Variants in ATP5MG observed in about 807,000 individuals in gnomAD.
ATP5MG encodes the protein ATP synthase F(0) complex subunit g, mitochondrial.
Under a neutral mutation model 12.7 loss-of-function variants are expected in ATP5MG, and 7 were observed. The observed-to-expected ratio is 0.55, with a 90% CI of 0.31 to 1.04. ATP5MG has a LOEUF of 1.04. Ranked by LOEUF, ATP5MG falls within the 50% of genes least tolerant of loss-of-function variation. The probability of loss-of-function intolerance (pLI) is 0.05; values close to 1 mark genes in which losing one functional copy is unlikely to be tolerated. For missense variants in ATP5MG, 116 were observed against 126.7 expected (o/e 0.92, Z 0.41); for synonymous variants, 53 against 48.2 (o/e 1.10, Z -0.41).
At chr11:118,402,326 A>G (rs572873694) in intron 1 of ATP5MG, among the ~76,000 whole-genome samples, 2 of 152,202 alleles carry the variant, frequency 1.3e-5, no homozygotes, top group South Asian at 2.1e-4. Flanking sequence ...ATAAACAATA[A>G]TCTTTGTTAC....
intron 1 of ATP5MG, chr11:118,406,536 CTCTT>C (rs1249122180): frequency 1.5e-5 from 3 of 198,734 alleles, no homozygotes; most frequent in Non-Finnish European, 3.2e-5. Flanking sequence ...CTTTCTTCAC[CTCTT>C]TCTTCAAATT....
intron 1 of ATP5MG, chr11:118,406,585 G>A (rs1286662204): frequency 1.4e-5 from 3 of 207,148 alleles, no homozygotes; most frequent in Non-Finnish European, 2.0e-5. Context: ...TGAATAAATT[G>A]ACTGTTCTCT....
chr11:118,407,656 C>A (rs376451219), intron 2 of ATP5MG, among the ~76,000 whole-genome samples: 1 of 151,852 alleles, frequency 6.6e-6, no homozygotes. Context: ...TCGCTTGAGG[C>A]CAGAAGTTCA....
At chr11:118,402,179 C>CT (rs1948933584) in intron 1 of ATP5MG, among the ~76,000 whole-genome samples, 1 of 152,072 alleles carries the variant, frequency 6.6e-6, no homozygotes, top group South Asian at 2.1e-4. Flanking sequence ...GATGGGTGAG[C>CT]TTTTTTGAAC....
At chr11:118,401,777 C>T in intron 1 of ATP5MG, 60 bp downstream of exon 1, 2 of 1,581,070 alleles carry the variant, frequency 1.3e-6, no homozygotes, top group Non-Finnish European at 8.6e-7. Context: ...CCTGCGATGG[C>T]CTGAGAGGAA....
At chr11:118,408,780 ACTTAC>A (rs1437228423) in intron 2 of ATP5MG, among the ~76,000 whole-genome samples, 1 of 152,134 alleles carries the variant, frequency 6.6e-6, no homozygotes, top group African/African-American at 2.4e-5. Flanking sequence ...AGCTTTGACT[ACTTAC>A]CTTACAAAAT....
Position 118,401,633 on chromosome 11 carries a change from G to T in ATP5MG, c.-33G>T, listed in dbSNP as rs565946054. On this transcript the variant is annotated 5_prime_UTR_variant, in exon 1 of 3. Coordinates refer to ENST00000300688, the MANE Select transcript of ATP5MG (RefSeq NM_006476.5). ...TTCCGGCGGGTGACATTCAGCCGGC[G>T]GTTCGGGGCGACGGACTCTCCATTC... 6 of 1,613,884 alleles carry T rather than the reference G, an allele frequency of 3.7e-6. No individual in the cohort carries two copies. The highest frequency in any genetic ancestry group is 3.3e-5 in the South Asian group (3 of 91,048).
chr11:118,403,776 A>G (rs1948949962), intron 1 of ATP5MG: 1 of 146,592 alleles, frequency 6.8e-6, no homozygotes, highest in Admixed American at 6.9e-5. Flanking sequence ...CTGGCGACAG[A>G]GCGAGACTCC....
rs781821258 is a variant in ATP5MG at position 118,401,685 on chromosome 11, AC to A, written c.22del (p.Val9TrpfsTer8). Reference protein sequence around the residue: MAQFVRNLVEKTPALVN... With the variant: MAQFVRXLVEKTPALVN... ...AGAACCATGGCCCAATTTGTCCGTA[AC>A]CTTGTGGAGAAGACCCCGGCGCTGG... On this transcript the variant is annotated frameshift_variant, in exon 1 of 3. Transcript: ENST00000300688. LOFTEE classifies it high-confidence loss of function. The A allele has an allele frequency of 6.2e-7, 1 of 1,613,832 alleles. No individual in the cohort carries two copies. Among genetic ancestry groups the A allele is most frequent in the African/African-American group, 1.3e-5 (1 of 74,878 alleles).
Position 118,408,270 on chromosome 11 carries a change from T to G in ATP5MG, c.214-730T>G, listed in dbSNP as rs182469812. ...ATTGCTAGTTTTAGAGCCTACATCC[T>G]GGGAAGTGTGGTTGTTTTTCAGAAG... On this transcript the variant is annotated intron_variant, in intron 2 of 2. Transcript: ENST00000300688. 2.7e-3 allele frequency among the ~76,000 whole-genome samples: 416 copies of G among 152,338 alleles called. 2 individuals are homozygous for G. Among genetic ancestry groups the G allele is most frequent in the Non-Finnish European group, 4.5e-3 (308 of 68,022 alleles).
At chr11:118,402,696 C>CT (rs782335353) in intron 1 of ATP5MG, among the ~76,000 whole-genome samples, 3,286 of 128,192 alleles carry the variant, frequency 0.026, 81 homozygotes, top group African/African-American at 0.064. Context: ...TTCTTTCTTT[C>CT]TTTTTTTTTT....
chr11:118,402,698 T>C (rs1948938990), intron 1 of ATP5MG, among the ~76,000 whole-genome samples: 3 of 142,702 alleles, frequency 2.1e-5, no homozygotes, highest in South Asian at 4.4e-4. Flanking sequence ...CTTTCTTTCT[T>C]TTTTTTTTTT....
chr11:118,407,175 AAT>A, intron 2 of ATP5MG, 78 bp downstream of exon 2: 1 of 1,571,684 alleles, frequency 6.4e-7, no homozygotes, highest in South Asian at 1.1e-5. Flanking sequence ...TGTTTTGATT[AAT>A]ATATATGTTT....
At chr11:118,403,790 T>TA (rs60786936) in intron 1 of ATP5MG, 20,339 of 107,570 alleles carry the variant, frequency 0.19, 2,042 homozygotes, top group East Asian at 0.52. Context: ...AGACTCCGTC[T>TA]AAAAAAAAAA....
chr11:118,407,268 T>A, intron 2 of ATP5MG, 171 bp downstream of exon 2: 1 of 1,005,136 alleles, frequency 9.9e-7, no homozygotes. Flanking sequence ...TTTTGTCACC[T>A]GGGTAGAAAT....
intron 1 of ATP5MG, chr11:118,403,965 AAAAAG>A (rs1948951991): frequency 6.6e-6 from 1 of 152,106 alleles, no homozygotes; most frequent in Admixed American, 6.6e-5. Flanking sequence ...TTTGTGATCT[AAAAAG>A]AAAAGTAACA....
chr11:118,402,732 C>T (rs1285558634), intron 1 of ATP5MG, among the ~76,000 whole-genome samples: 1 of 144,804 alleles, frequency 6.9e-6, no homozygotes, highest in Non-Finnish European at 1.5e-5. Flanking sequence ...GACAGGGACT[C>T]ACTCTGTCGC....
chr11:118,404,623 C>A lies in ATP5MG; in HGVS notation c.53-2314C>A, dbSNP rs143557144. Among the ~76,000 whole-genome samples, 583 of 152,318 alleles carry A rather than the reference C, an allele frequency of 3.8e-3. 5 individuals are homozygous for A. The highest frequency in any genetic ancestry group is 0.013 in the African/African-American group (533 of 41,562). On this transcript the variant is annotated intron_variant, in intron 1 of 2. Coordinates refer to ENST00000300688, the MANE Select transcript of ATP5MG (RefSeq NM_006476.5). ...CCACAGTGAAGAGATGCCCTAATCA[C>A]ATGTCAGGAGGTATATGATATTCCT...
At chr11:118,402,549 CAGTA>C (rs1277468656) in intron 1 of ATP5MG, among the ~76,000 whole-genome samples, 3 of 151,992 alleles carry the variant, frequency 2.0e-5, no homozygotes, top group Admixed American at 6.6e-5. Flanking sequence ...TGCTGTATTC[CAGTA>C]AGTGACTGAA....
Sources: allele counts gnomAD v4.1 joint callset (sites outside exome capture counted in the v4.1 genomes callset), GRCh38; gene constraint gnomAD v4.1.1; transcripts MANE v1.5; gene names NCBI Gene and HGNC (gene_info 2026-07-23, HGNC 2026-07-21).